Variants in KCNQ1 observed in about 807,000 individuals in gnomAD.
KCNQ1 encodes potassium voltage-gated channel subfamily Q member 1.
A neutral mutation model predicts 72.4 loss-of-function variants in KCNQ1; 49 were observed. The observed-to-expected ratio is 0.68, with a 90% CI of 0.54 to 0.86. The LOEUF is 0.86. Ranked by LOEUF, KCNQ1 falls within the 40% of genes least tolerant of loss-of-function variation. The probability of loss-of-function intolerance (pLI) is 0.00; values close to 1 mark genes in which losing one functional copy is unlikely to be tolerated. For synonymous variants in KCNQ1, 450 were observed against 412.6 expected (o/e 1.09, Z -1.10); for missense variants, 790 against 945.1 (o/e 0.84, Z 2.15).
At chr11:2,765,125 C>T (rs1419771597) in intron 11 of KCNQ1, among the ~76,000 whole-genome samples, 4 of 152,160 alleles carry the variant, frequency 2.6e-5, no homozygotes, top group African/African-American at 7.2e-5. Flanking sequence ...TTTAAAGCCA[C>T]GAGGTTCACT....
In KCNQ1 at chr11:2,563,298, G is replaced by A. The variant is rs1473998780; in HGVS notation, c.478-7330G>A. The stretch of plus-strand genomic sequence containing the variant: ...GAGAACACCGGTTCCACGGCCGGTT[G>A]CAACACGTTTGAGCCAAAGTGCGAC... On this transcript the variant is annotated intron_variant, in intron 2 of 15. Coordinates refer to ENST00000155840, the MANE Select transcript of KCNQ1 (RefSeq NM_000218.3). The surrounding 1 kb of genome is among the most constrained non-coding windows in gnomAD (Gnocchi z 7.4). Among the ~76,000 whole-genome samples the A allele has an allele frequency of 6.6e-6, 1 of 152,246 alleles. No individual in the cohort carries two copies. Among genetic ancestry groups the A allele is most frequent in the Non-Finnish European group, 1.5e-5 (1 of 68,040 alleles).
Position 2,598,912 on chromosome 11 carries a change from C to T in KCNQ1, c.1393+10058C>T, listed in dbSNP as rs1848765626. On this transcript the variant is annotated intron_variant, in intron 10 of 15. Transcript: ENST00000155840. This position sits in a 1 kb window ranked among gnomAD's most constrained non-coding sequence, Gnocchi z 6.2. The stretch of plus-strand genomic sequence containing the variant: ...GAACATGTAAGTGCTCACCCAGGAC[C>T]CATATGCAGCAAACAGTCTTGTGTC... 6.6e-6 allele frequency among the ~76,000 whole-genome samples: 1 copy of T among 152,220 alleles called. No homozygotes were observed. Among genetic ancestry groups the T allele is most frequent in the African/African-American group, 2.4e-5 (1 of 41,440 alleles).
At chr11:2,822,820 G>T (rs986459054) in intron 15 of KCNQ1, among the ~76,000 whole-genome samples, 2 of 152,124 alleles carry the variant, frequency 1.3e-5, no homozygotes, top group Non-Finnish European at 2.9e-5. Context: ...ACCATTGTAA[G>T]ATCTGAAATT....
intron 4 of KCNQ1, 119 bp downstream of exon 4, chr11:2,571,522 C>G: frequency 2.4e-6 from 2 of 824,260 alleles, no homozygotes; most frequent in African/African-American, 1.7e-5. Flanking sequence ...TTGGTGCCCA[C>G]TGCCCCCGGG....
At chr11:2,662,529 A>G in intron 11 of KCNQ1, 1 of 425,782 alleles carries the variant, frequency 2.3e-6, no homozygotes, top group Non-Finnish European at 4.1e-6. Context: ...GAAATGGCTG[A>G]TTTTCCACGC....
Position 2,627,790 on chromosome 11 carries a change from A to G in KCNQ1, c.1394-34171A>G. The stretch of plus-strand genomic sequence containing the variant: ...TTTTGAGACAGGGTCTCCATCTGTC[A>G]TCCAGGCAGGAGTACAGTGGCACAA... On this transcript the variant is annotated intron_variant, in intron 10 of 15. Transcript: ENST00000155840. This position sits in a 1 kb window ranked among gnomAD's most constrained non-coding sequence, Gnocchi z 4.9. The G allele has an allele frequency of 2.5e-6, 1 of 398,422 alleles. No homozygotes were observed. The highest frequency in any genetic ancestry group is 4.4e-6 in the Non-Finnish European group (1 of 226,072). 24.7% of individuals were successfully genotyped at this position (398,422 alleles called of 1,614,324 possible). A position where few individuals can be genotyped will look rare whatever the true frequency, so the allele number is the denominator to read the frequency against.
At chr11:2,527,892 G>A in intron 1 of KCNQ1, 36 bp from the exon 2 acceptor site, 1 of 1,586,006 alleles carries the variant, frequency 6.3e-7, no homozygotes, top group Non-Finnish European at 8.7e-7. Context: ...GATGGGCAGA[G>A]GCCGTGATGC....
At chr11:2,557,584 G>C (rs758424002) in intron 2 of KCNQ1, among the ~76,000 whole-genome samples, 1 of 152,200 alleles carries the variant, frequency 6.6e-6, no homozygotes, top group African/African-American at 2.4e-5. Flanking sequence ...TCAGTGGGAC[G>C]GCTCATCTCC....
chr11:2,835,733 C>T (rs757482644), intron 15 of KCNQ1, among the ~76,000 whole-genome samples: 1 of 152,140 alleles, frequency 6.6e-6, no homozygotes, highest in Admixed American at 6.5e-5. Context: ...AGGGCCCTGG[C>T]AAGGGACTTA....
At chr11:2,591,720 T>C (rs1224627514) in intron 10 of KCNQ1, among the ~76,000 whole-genome samples, 1 of 152,228 alleles carries the variant, frequency 6.6e-6, no homozygotes, top group Non-Finnish European at 1.5e-5. Flanking sequence ...GAGGGGCAAG[T>C]GCGGAGAAAG....
At position 2,746,115 on chromosome 11, in the gene KCNQ1, C is replaced by T. The variant is rs1265883343; in HGVS notation, c.1515-22729C>T. Among the ~76,000 whole-genome samples, 1 of 152,182 alleles carries T rather than the reference C, an allele frequency of 6.6e-6. No homozygotes were observed. The highest frequency in any genetic ancestry group is 2.4e-5 in the African/African-American group (1 of 41,424). On this transcript the variant is annotated intron_variant, in intron 11 of 15. Transcript: ENST00000155840. The surrounding 1 kb of genome is among the most constrained non-coding windows in gnomAD (Gnocchi z 5.9). ...ATGCTGGCCAGGCTGATCTCGAACT[C>T]CTGGCCTCAAGTGATCCATCCGCCT...
rs1846552297 is a variant in KCNQ1 at position 2,475,167 on chromosome 11, C to A, written c.386+29683C>A. On this transcript the variant is annotated intron_variant, in intron 1 of 15. Coordinates refer to ENST00000155840, the MANE Select transcript of KCNQ1 (RefSeq NM_000218.3). The surrounding 1 kb of genome is among the most constrained non-coding windows in gnomAD (Gnocchi z 5.8). ...TTTCCCCCATGCCCCCAGCTCCTGA[C>A]AACCACAAGCCCACTTTCTGCCCCT... Among the ~76,000 whole-genome samples the A allele has an allele frequency of 1.3e-5, 2 of 152,176 alleles. No homozygotes were observed. The highest frequency in any genetic ancestry group is 2.1e-4 in the South Asian group (1 of 4,828).
At chr11:2,737,971 T>C (rs1845987181) in intron 11 of KCNQ1, among the ~76,000 whole-genome samples, 1 of 152,088 alleles carries the variant, frequency 6.6e-6, no homozygotes, top group African/African-American at 2.4e-5. Context: ...GCTTCATCCA[T>C]TTCCTGCTCC....
In KCNQ1 at chr11:2,827,538, G is replaced by A. The variant is rs192619035; in HGVS notation, c.1795-20229G>A. Among the ~76,000 whole-genome samples the A allele has an allele frequency of 3.9e-4, 59 of 151,014 alleles. No individual in the cohort carries two copies. Among genetic ancestry groups the A allele is most frequent in the Non-Finnish European group, 5.7e-4 (39 of 67,852 alleles). On this transcript the variant is annotated intron_variant, in intron 15 of 15. Transcript: ENST00000155840. The surrounding 1 kb of genome is among the most constrained non-coding windows in gnomAD (Gnocchi z 6.7). Reference sequence around the variant, plus strand: ...GTCCACCCGCCGGAATGTGACGCACGCCTGAGTCGCTGCAAGGGCCCCTGG... The same window carrying A: ...GTCCACCCGCCGGAATGTGACGCACACCTGAGTCGCTGCAAGGGCCCCTGG...
chr11:2,684,941 T>C (rs909400931), intron 11 of KCNQ1: 1 of 398,688 alleles, frequency 2.5e-6, no homozygotes, highest in Non-Finnish European at 4.4e-6. Flanking sequence ...CAGCATGTTA[T>C]CTTTGTACCT....
At position 2,762,400 on chromosome 11, in the gene KCNQ1, C is replaced by A. The variant is rs966134254; in HGVS notation, c.1515-6444C>A. ...TTTGTGACCGGTGTGTGGTAAGGAT[C>A]ATGGTTGACATACTTTCACAGGTGC... On this transcript the variant is annotated intron_variant, in intron 11 of 15. Coordinates refer to ENST00000155840, the MANE Select transcript of KCNQ1 (RefSeq NM_000218.3). The surrounding 1 kb of genome is among the most constrained non-coding windows in gnomAD (Gnocchi z 4.3). Among the ~76,000 whole-genome samples, 2 of 152,170 alleles carry A rather than the reference C, an allele frequency of 1.3e-5. No homozygotes were observed. Among genetic ancestry groups the A allele is most frequent in the Non-Finnish European group, 2.9e-5 (2 of 68,038 alleles).
chr11:2,502,242 AAAG>A (rs771879176), intron 1 of KCNQ1, among the ~76,000 whole-genome samples: 16 of 152,316 alleles, frequency 1.1e-4, no homozygotes, highest in Middle Eastern at 3.4e-3. Context: ...AGTTGGAAAG[AAAG>A]AAGTCAAATT....
chr11:2,556,951 T>C (rs1395949542), intron 2 of KCNQ1, among the ~76,000 whole-genome samples: 1 of 151,658 alleles, frequency 6.6e-6, no homozygotes, highest in Non-Finnish European at 1.5e-5. Context: ...ACAGAAAGAG[T>C]CAAATCAAAT....
At position 2,663,314 on chromosome 11, in the gene KCNQ1, A is replaced by T. The variant is rs1850003908; in HGVS notation, c.1514+1233A>T. On this transcript the variant is annotated intron_variant, in intron 11 of 15. Transcript: ENST00000155840. The surrounding 1 kb of genome is among the most constrained non-coding windows in gnomAD (Gnocchi z 5.2). ...CTTCTGGGCCCCTCCTGGCTGGGTA[A>T]AAAGGCAGGAGCAGAGGTGTGAGCA... The T allele has an allele frequency of 2.5e-6, 1 of 398,778 alleles. No individual in the cohort carries two copies. Among genetic ancestry groups the T allele is most frequent in the Non-Finnish European group, 4.4e-6 (1 of 226,212 alleles). The allele number at this position is 398,778 out of a possible 1,614,324, so 24.7% of individuals were successfully genotyped here.
Sources: allele counts gnomAD v4.1 joint callset (sites outside exome capture counted in the v4.1 genomes callset), GRCh38; gene constraint gnomAD v4.1.1; non-coding constraint Gnocchi (gnomAD v3.1); transcripts MANE v1.5; gene names NCBI Gene and HGNC (gene_info 2026-07-23, HGNC 2026-07-21).